The following DOCK2 variants were observed in gnomAD, a reference collection of about 807,000 sequenced individuals.
DOCK2 encodes dedicator of cytokinesis protein 2.
A neutral mutation model predicts 248.9 loss-of-function variants in DOCK2; 87 were observed. The ratio of observed to expected loss-of-function variants is 0.35; its 90% CI spans 0.29 to 0.42. DOCK2 has a LOEUF of 0.42. Ranked by LOEUF, DOCK2 falls within the 10% of genes least tolerant of loss-of-function variation. DOCK2 has a pLI of 1.00. For synonymous variants in DOCK2, 805 were observed against 821.6 expected, an observed-to-expected ratio of 0.98 and a Z score of 0.35; for missense variants, 1,747 against 2,300.2, an observed-to-expected ratio of 0.76 and a Z score of 4.92.
At chr5:169,882,711 A>C (rs1477142768) in intron 27 of DOCK2, 50 of 1,551,886 alleles carry the variant, frequency 3.2e-5, no homozygotes, top group Non-Finnish European at 3.8e-5. Flanking sequence ...TAATGTCACT[A>C]ATCTCCCTGT....
At chr5:169,922,354 G>T (rs1775220528) in intron 27 of DOCK2, among the ~76,000 whole-genome samples, 1 of 152,188 alleles carries the variant, frequency 6.6e-6, no homozygotes, top group Non-Finnish European at 1.5e-5. Flanking sequence ...AAGAAATAAT[G>T]TTAATACATA....
intron 30 of DOCK2, among the ~76,000 whole-genome samples, chr5:170,007,554 A>G (rs1192616646): frequency 1.3e-5 from 2 of 152,190 alleles, no homozygotes; most frequent in Non-Finnish European, 1.5e-5. Flanking sequence ...TTTTGCAGAC[A>G]GGTTTACCGA....
intron 27 of DOCK2, among the ~76,000 whole-genome samples, chr5:169,937,842 G>A (rs1233140145): frequency 6.6e-6 from 1 of 152,188 alleles, no homozygotes; most frequent in Non-Finnish European, 1.5e-5. Context: ...TGACAACACT[G>A]AAATCAAATA....
At chr5:169,971,056 G>A (rs1289666461) in intron 27 of DOCK2, among the ~76,000 whole-genome samples, 1 of 152,144 alleles carries the variant, frequency 6.6e-6, no homozygotes, top group Non-Finnish European at 1.5e-5. Context: ...ATGACGGGGA[G>A]AGGGAGTCAG....
intron 50 of DOCK2, 114 bp downstream of exon 50, chr5:170,080,397 T>C: frequency 2.0e-6 from 3 of 1,506,020 alleles, no homozygotes; most frequent in Non-Finnish European, 2.7e-6. Context: ...CCAGGCATCC[T>C]GGAGTGAGAG....
intron 27 of DOCK2, among the ~76,000 whole-genome samples, chr5:169,910,913 A>G (rs1383427127): frequency 1.3e-5 from 2 of 152,148 alleles, no homozygotes; most frequent in Non-Finnish European, 2.9e-5. Flanking sequence ...TCAGAACACT[A>G]TCCTCACAAG....
intron 27 of DOCK2, among the ~76,000 whole-genome samples, chr5:169,924,929 C>T (rs1026708836): frequency 3.9e-5 from 6 of 152,140 alleles, no homozygotes; most frequent in Non-Finnish European, 8.8e-5. Context: ...GAGTGTGTGT[C>T]CAGGCACAAT....
intron 27 of DOCK2, among the ~76,000 whole-genome samples, chr5:169,929,383 C>T (rs1258524118): frequency 6.6e-6 from 1 of 151,992 alleles, no homozygotes; most frequent in Non-Finnish European, 1.5e-5. Flanking sequence ...AAGCGAATCC[C>T]GGCAAACGAT....
intron 23 of DOCK2, among the ~76,000 whole-genome samples, chr5:169,753,820 T>C (rs767249794): frequency 9.2e-5 from 14 of 152,190 alleles, no homozygotes; most frequent in Non-Finnish European, 1.5e-4. Flanking sequence ...TTTATTTTCC[T>C]CGGGGACAAC....
At chr5:169,881,875 T>G (rs538097005) in intron 27 of DOCK2, among the ~76,000 whole-genome samples, 71 of 152,328 alleles carry the variant, frequency 4.7e-4, no homozygotes, top group African/African-American at 1.5e-3. Flanking sequence ...AGCCATTGCT[T>G]CTTCTTTGTC....
In DOCK2 at chr5:169,978,393, G is replaced by GT. The variant is rs1554123457; in HGVS notation, c.2800-4675_2800-4674insT. ...TCTGTGTATGTGTGTGTGTGTGTGTGGGGGGGGGGGGGTGTAGGTGTGTTT... is the reference window on the plus strand; with the variant it reads ...TCTGTGTATGTGTGTGTGTGTGTGTGTGGGGGGGGGGGGTGTAGGTGTGTTT... On this transcript the variant is annotated intron_variant, in intron 27 of 51. Coordinates refer to ENST00000520908, the MANE Select transcript of DOCK2 (RefSeq NM_004946.3). Among the ~76,000 whole-genome samples the GT allele has an allele frequency of 6.2e-3, 274 of 43,888 alleles. 4 individuals carry two copies. Among genetic ancestry groups the GT allele is most frequent in the African/African-American group, 0.023 (254 of 10,902 alleles). 28.8% of individuals were successfully genotyped at this position (43,888 alleles called of 152,430 possible).
intron 22 of DOCK2, among the ~76,000 whole-genome samples, chr5:169,724,097 T>A (rs1762348138): frequency 6.6e-6 from 1 of 152,048 alleles, no homozygotes; most frequent in African/African-American, 2.4e-5. Context: ...ACCTGATCAT[T>A]TTTCTGGGCC....
chr5:170,046,022 A>G, intron 39 of DOCK2, 117 bp downstream of exon 39: 1 of 926,320 alleles, frequency 1.1e-6, no homozygotes, highest in Non-Finnish European at 1.7e-6. Context: ...GAAATAGAAA[A>G]TGAACGGAAG....
chr5:170,018,870 T>C, intron 32 of DOCK2, 90 bp from the exon 33 acceptor site: 1 of 1,483,864 alleles, frequency 6.7e-7, no homozygotes, highest in Non-Finnish European at 9.1e-7. Context: ...ACTATTATGC[T>C]TCCCTTTTTT....
At chr5:169,663,157 A>G (rs186904714) in intron 2 of DOCK2, among the ~76,000 whole-genome samples, 3 of 152,364 alleles carry the variant, frequency 2.0e-5, no homozygotes, top group Non-Finnish European at 4.4e-5. Context: ...CTGGGCAGCC[A>G]TTGAATCATA....
intron 27 of DOCK2, among the ~76,000 whole-genome samples, chr5:169,914,908 C>T (rs1186977784): frequency 6.6e-6 from 1 of 152,246 alleles, no homozygotes; most frequent in Non-Finnish European, 1.5e-5. Flanking sequence ...GTCTGGCTTC[C>T]TGTGCATTGC....
At chr5:169,648,706 C>T (rs546434676) in intron 1 of DOCK2, among the ~76,000 whole-genome samples, 38 of 152,250 alleles carry the variant, frequency 2.5e-4, no homozygotes, top group African/African-American at 7.9e-4. Flanking sequence ...AAAACAGAGA[C>T]GATAATAATC....
chr5:169,878,193 AC>A (rs1465447846), intron 27 of DOCK2, among the ~76,000 whole-genome samples: 2 of 152,080 alleles, frequency 1.3e-5, no homozygotes, highest in Non-Finnish European at 2.9e-5. Context: ...GCTTAGAGGG[AC>A]CTCGTGCCCT....
chr5:169,970,859 T>A (rs1296368731), intron 27 of DOCK2, among the ~76,000 whole-genome samples: 2 of 152,176 alleles, frequency 1.3e-5, no homozygotes, highest in Non-Finnish European at 2.9e-5. Flanking sequence ...CATTTTTCAT[T>A]GTGTCAGTTG....
Sources: allele counts gnomAD v4.1 joint callset (sites outside exome capture counted in the v4.1 genomes callset), GRCh38; gene constraint gnomAD v4.1.1; transcripts MANE v1.5; gene names NCBI Gene and HGNC (gene_info 2026-07-23, HGNC 2026-07-21).